The following TBC1D4 variants were observed in gnomAD, a reference collection of about 807,000 sequenced individuals.
TBC1D4 encodes the protein TBC1 domain family member 4.
TBC1D4 carries 121 observed loss-of-function variants against 142.5 expected under a neutral mutation model. The ratio of observed to expected loss-of-function variants is 0.85; its 90% CI spans 0.73 to 0.99. The LOEUF (loss-of-function observed/expected upper bound fraction) is 0.99. TBC1D4 is among the 50% of genes least tolerant of loss of function. The probability of loss-of-function intolerance (pLI) is 0.00; values close to 1 mark genes in which losing one functional copy is unlikely to be tolerated. For missense variants in TBC1D4, 1,475 were observed against 1,606.6 expected, an observed-to-expected ratio of 0.92 and a Z score of 1.40; for synonymous variants, 630 against 628.2, an observed-to-expected ratio of 1.00 and a Z score of -0.04.
At chr13:75,388,341 C>A (rs961283140) in intron 1 of TBC1D4, among the ~76,000 whole-genome samples, 5 of 152,200 alleles carry the variant, frequency 3.3e-5, no homozygotes, top group Non-Finnish European at 5.9e-5. Context: ...GCCTACCACA[C>A]AACTCAAAAA....
chr13:75,347,592 T>TTACA (rs1179590637), intron 5 of TBC1D4, among the ~76,000 whole-genome samples: 2 of 152,192 alleles, frequency 1.3e-5, no homozygotes, highest in Non-Finnish European at 2.9e-5. Context: ...TTTTGTTTGT[T>TTACA]TACACTGAGG....
chr13:75,308,157 A>G (rs1458949668), intron 14 of TBC1D4, among the ~76,000 whole-genome samples: 1 of 152,204 alleles, frequency 6.6e-6, no homozygotes, highest in East Asian at 1.9e-4. Flanking sequence ...ATTGGTTAGA[A>G]TTTTCATAGG....
chr13:75,305,107 T>C (rs573823966), intron 15 of TBC1D4, among the ~76,000 whole-genome samples: 4 of 152,336 alleles, frequency 2.6e-5, no homozygotes, highest in Admixed American at 6.5e-5. Flanking sequence ...TCATGAAATC[T>C]GATGGCTTGT....
intron 5 of TBC1D4, among the ~76,000 whole-genome samples, chr13:75,342,525 T>C (rs1880799286): frequency 6.6e-6 from 1 of 152,108 alleles, no homozygotes; most frequent in Non-Finnish European, 1.5e-5. Flanking sequence ...TTCAATGTTA[T>C]TATTTTATCA....
chr13:75,327,086 G>T (rs1018527951), intron 9 of TBC1D4, among the ~76,000 whole-genome samples: 1 of 152,038 alleles, frequency 6.6e-6, no homozygotes, highest in East Asian at 1.9e-4. Flanking sequence ...ATATTGCATG[G>T]GTAGAAATCA....
intron 1 of TBC1D4, 75 bp downstream of exon 1, chr13:75,481,195 T>TCCCCCCCCCAA: frequency 7.7e-7 from 1 of 1,292,712 alleles, no homozygotes; most frequent in Non-Finnish European, 1.1e-6. Flanking sequence ...TAAAGTGGGG[T>TCCCCCCCCCAA]CCCCGCCCCT....
At chr13:75,314,512 T>TA (rs769555968) in intron 12 of TBC1D4, among the ~76,000 whole-genome samples, 26 of 151,964 alleles carry the variant, frequency 1.7e-4, no homozygotes, top group Admixed American at 1.2e-3. Context: ...AAATTAAAGT[T>TA]AAAAAAAAGA....
At chr13:75,472,603 A>G (rs1398219707) in intron 1 of TBC1D4, among the ~76,000 whole-genome samples, 4 of 152,080 alleles carry the variant, frequency 2.6e-5, no homozygotes, top group Non-Finnish European at 1.5e-5. Context: ...AGGAGCTAAC[A>G]GGAAGGGGCG....
intron 1 of TBC1D4, among the ~76,000 whole-genome samples, chr13:75,467,187 G>A (rs1458637825): frequency 2.0e-5 from 3 of 152,144 alleles, no homozygotes; most frequent in African/African-American, 7.2e-5. Flanking sequence ...CAGAAATGAT[G>A]TGTTTATCCT....
chr13:75,356,313 T>C, intron 3 of TBC1D4, 62 bp from the exon 4 acceptor site: 2 of 1,166,752 alleles, frequency 1.7e-6, no homozygotes, highest in South Asian at 2.5e-5. Context: ...TACTCAACAA[T>C]ATGGAAAGCA....
intron 1 of TBC1D4, among the ~76,000 whole-genome samples, chr13:75,449,543 ACACACACACACAGACGCG>A (rs1411361368): frequency 6.6e-6 from 1 of 151,218 alleles, no homozygotes; most frequent in African/African-American, 2.4e-5. Flanking sequence ...ACACACACAC[ACACACACACACAGACGCG>A]CACACACACA....
At chr13:75,441,745 AC>A (rs1887050554) in intron 1 of TBC1D4, among the ~76,000 whole-genome samples, 1 of 152,250 alleles carries the variant, frequency 6.6e-6, no homozygotes, top group South Asian at 2.1e-4. Flanking sequence ...CAGAATGACA[AC>A]CCTTCAGCCT....
chr13:75,284,469 A>C lies in TBC1D4; in HGVS notation c.*2323T>G, dbSNP rs921997117. On this transcript the variant is annotated 3_prime_UTR_variant, in exon 21 of 21. Coordinates refer to ENST00000377636, the MANE Select transcript of TBC1D4 (RefSeq NM_014832.5). ...AGATCTCCTGCATGCACAGTTCACA[A>C]TAGGGTTTGCGCTCCTATGAGAATC... 3.1e-4 allele frequency among the ~76,000 whole-genome samples: 47 copies of C among 152,130 alleles called. No homozygotes were observed. The highest frequency in any genetic ancestry group is 1.0e-3 in the African/African-American group (43 of 41,426).
intron 14 of TBC1D4, among the ~76,000 whole-genome samples, chr13:75,309,248 A>G (rs377057313): frequency 6.6e-6 from 1 of 152,132 alleles, no homozygotes; most frequent in South Asian, 2.1e-4. Flanking sequence ...AGTAAATTAT[A>G]TCATTCTTTC....
chr13:75,429,966 T>C (rs1033796397), intron 1 of TBC1D4, among the ~76,000 whole-genome samples: 1 of 152,198 alleles, frequency 6.6e-6, no homozygotes, highest in African/African-American at 2.4e-5. Context: ...CCATCTGGAA[T>C]AGGAGAAGAG....
intron 11 of TBC1D4, 57 bp from the exon 12 acceptor site, chr13:75,320,094 G>T: frequency 6.3e-7 from 1 of 1,594,130 alleles, no homozygotes; most frequent in Admixed American, 1.7e-5. Context: ...GTCCAAATCA[G>T]GATTCAGGAT....
chr13:75,433,486 C>T (rs1886670658), intron 1 of TBC1D4, among the ~76,000 whole-genome samples: 1 of 152,072 alleles, frequency 6.6e-6, no homozygotes, highest in Non-Finnish European at 1.5e-5. Context: ...AATGAAAATA[C>T]AAGATGCTTT....
chr13:75,391,643 G>A (rs1462275861), intron 1 of TBC1D4, among the ~76,000 whole-genome samples: 3 of 152,086 alleles, frequency 2.0e-5, no homozygotes, highest in Admixed American at 1.3e-4. Flanking sequence ...TCTAATCCTT[G>A]GGGCTACCCA....
chr13:75,383,043 C>A (rs1010356848), intron 1 of TBC1D4, among the ~76,000 whole-genome samples: 3 of 152,162 alleles, frequency 2.0e-5, no homozygotes, highest in South Asian at 2.1e-4. Context: ...TATCTTCGGT[C>A]GAGCACAGAG....
Sources: allele counts gnomAD v4.1 joint callset (sites outside exome capture counted in the v4.1 genomes callset), GRCh38; gene constraint gnomAD v4.1.1; transcripts MANE v1.5; gene names NCBI Gene and HGNC (gene_info 2026-07-23, HGNC 2026-07-21).